Variants in SOX6 observed in about 807,000 individuals in gnomAD.
The protein encoded by SOX6 is SRY-box transcription factor 6, also known as transcription factor SOX-6.
Under a neutral mutation model 97.8 loss-of-function variants are expected in SOX6, and 11 were observed. That is an observed-to-expected ratio of 0.11 (90% CI 0.07 to 0.19). SOX6 has a LOEUF of 0.19. SOX6 is among the 10% of genes least tolerant of loss of function. The pLI, the probability that SOX6 is intolerant of heterozygous loss-of-function variation, is 1.00. For synonymous variants in SOX6, 360 were observed against 371.4 expected (o/e 0.97, Z 0.35); for missense variants, 810 against 1,039.5 (o/e 0.78, Z 3.04).
At chr11:16,726,419 A>T (rs1848306899) in intron 2 of SOX6, among the ~76,000 whole-genome samples, 2 of 152,224 alleles carry the variant, frequency 1.3e-5, no homozygotes, top group African/African-American at 4.8e-5. Flanking sequence ...TGTCTCAAAA[A>T]TAAATAAATA....
At chr11:16,658,580 C>T (rs1394513893) in intron 3 of SOX6, among the ~76,000 whole-genome samples, 1 of 151,998 alleles carries the variant, frequency 6.6e-6, no homozygotes, top group Non-Finnish European at 1.5e-5. Flanking sequence ...TGGTGGCGGG[C>T]ACCTGTAGTC....
At chr11:16,470,096 A>G (rs558423725) in intron 1 of SOX6, among the ~76,000 whole-genome samples, 1 of 152,292 alleles carries the variant, frequency 6.6e-6, no homozygotes, top group South Asian at 2.1e-4. Context: ...AAATGTCAGT[A>G]TATCTCTAAT....
At chr11:16,641,184 G>A (rs1258535953) in intron 3 of SOX6, among the ~76,000 whole-genome samples, 2 of 152,194 alleles carry the variant, frequency 1.3e-5, no homozygotes, top group Non-Finnish European at 2.9e-5. Context: ...AGTCATTCAG[G>A]AGCAGGTGTT....
intron 6 of SOX6, among the ~76,000 whole-genome samples, chr11:16,121,113 T>A (rs926665705): frequency 6.6e-6 from 1 of 152,096 alleles, no homozygotes; most frequent in Non-Finnish European, 1.5e-5. Flanking sequence ...TTGCATTTTT[T>A]AAAATGGACA....
chr11:16,562,177 G>A (rs1847822724), intron 4 of SOX6, among the ~76,000 whole-genome samples: 1 of 152,124 alleles, frequency 6.6e-6, no homozygotes, highest in Non-Finnish European at 1.5e-5. Context: ...AGATGGGGCA[G>A]AAGTACTTTT....
intron 3 of SOX6, among the ~76,000 whole-genome samples, chr11:16,310,429 C>G (rs189754552): frequency 2.0e-5 from 3 of 152,024 alleles, no homozygotes; most frequent in African/African-American, 7.2e-5. Context: ...TATCATTGTA[C>G]AAAACTTTCA....
At chr11:16,721,243 A>G (rs1848258833) in intron 2 of SOX6, among the ~76,000 whole-genome samples, 1 of 152,220 alleles carries the variant, frequency 6.6e-6, no homozygotes, top group Non-Finnish European at 1.5e-5. Context: ...AGAAAAGTCT[A>G]CATTGGTTAA....
At chr11:15,997,271 G>A (rs982697132) in intron 13 of SOX6, among the ~76,000 whole-genome samples, 3 of 152,216 alleles carry the variant, frequency 2.0e-5, no homozygotes, top group Non-Finnish European at 2.9e-5. Context: ...TTGAAGCCCC[G>A]AATGGTTTCA....
intron 13 of SOX6, among the ~76,000 whole-genome samples, chr11:15,990,028 T>G (rs117786000): frequency 1.3e-5 from 2 of 151,524 alleles, no homozygotes; most frequent in East Asian, 3.9e-4. Flanking sequence ...GGAGAGGGAG[T>G]AAAGTCTGAT....
At chr11:16,400,437 A>G (rs1361401141) in intron 1 of SOX6, among the ~76,000 whole-genome samples, 1 of 151,426 alleles carries the variant, frequency 6.6e-6, no homozygotes, top group Admixed American at 6.6e-5. Flanking sequence ...TAACATTTTT[A>G]CCACTTTAAT....
chr11:16,348,333 A>T (rs1856823381), intron 1 of SOX6, among the ~76,000 whole-genome samples: 1 of 152,162 alleles, frequency 6.6e-6, no homozygotes, highest in African/African-American at 2.4e-5. Context: ...GAAGACAATC[A>T]AATTGTCACC....
chr11:16,135,383 A>C (rs986452988), intron 6 of SOX6, among the ~76,000 whole-genome samples: 1 of 152,198 alleles, frequency 6.6e-6, no homozygotes, highest in East Asian at 1.9e-4. Flanking sequence ...CCTCAGACAA[A>C]TCTAGGCAAA....
At chr11:16,428,016 A>G (rs1343714863) in intron 1 of SOX6, among the ~76,000 whole-genome samples, 5 of 152,122 alleles carry the variant, frequency 3.3e-5, no homozygotes, top group Non-Finnish European at 5.9e-5. Flanking sequence ...TTTAATGCTC[A>G]CCATTCTAAC....
chr11:16,598,649 TA>T (rs71455890), intron 4 of SOX6, among the ~76,000 whole-genome samples: 1,642 of 146,726 alleles, frequency 0.011, 28 homozygotes, highest in African/African-American at 0.035. Context: ...GTATGCTCTT[TA>T]AAAAAAAAAA....
chr11:16,650,181 T>C (rs1847625292), intron 3 of SOX6, among the ~76,000 whole-genome samples: 1 of 152,136 alleles, frequency 6.6e-6, no homozygotes, highest in Admixed American at 6.5e-5. Flanking sequence ...AACACACTAA[T>C]AGTGGGGGAC....
At chr11:16,083,794 T>C (rs1292465549) in intron 9 of SOX6, among the ~76,000 whole-genome samples, 1 of 152,188 alleles carries the variant, frequency 6.6e-6, no homozygotes, top group African/African-American at 2.4e-5. Context: ...CATTTTCTTA[T>C]GTATTCCTCA....
chr11:16,187,080 G>C, intron 4 of SOX6, 125 bp from the exon 5 acceptor site: 3 of 1,002,194 alleles, frequency 3.0e-6, no homozygotes, highest in South Asian at 1.3e-5. Flanking sequence ...ATGACTGGAG[G>C]CCATTGAGGG....
chr11:15,989,843 G>T (rs1208368012), intron 13 of SOX6, among the ~76,000 whole-genome samples: 2 of 152,168 alleles, frequency 1.3e-5, no homozygotes, highest in Non-Finnish European at 1.5e-5. Flanking sequence ...CTTTTAAGGA[G>T]CTCACAGTTC....
intron 3 of SOX6, among the ~76,000 whole-genome samples, chr11:16,668,202 G>A (rs765844458): frequency 2.6e-5 from 4 of 151,966 alleles, no homozygotes; most frequent in African/African-American, 7.2e-5. Context: ...GGGAAACCCC[G>A]TCTCCACTAA....
Sources: allele counts gnomAD v4.1 joint callset (sites outside exome capture counted in the v4.1 genomes callset), GRCh38; gene constraint gnomAD v4.1.1; transcripts MANE v1.5; gene names NCBI Gene and HGNC (gene_info 2026-07-23, HGNC 2026-07-21).